Variants in ANKS1B observed in about 807,000 individuals in gnomAD.
ANKS1B encodes the protein ankyrin repeat and sterile alpha motif domain containing 1B.
In ANKS1B, 36 loss-of-function variants were observed where a neutral mutation model predicts 148.3. The observed-to-expected ratio is 0.24, with a 90% confidence interval of 0.19 to 0.32. ANKS1B has a LOEUF of 0.32. Ranked by LOEUF, ANKS1B falls within the 10% of genes least tolerant of loss-of-function variation. The pLI is 1.00. For missense variants in ANKS1B, 1,157 were observed against 1,542.6 expected (o/e 0.75, Z 4.19); for synonymous variants, 542 against 560.8 (o/e 0.97, Z 0.47).
intron 1 of ANKS1B, among the ~76,000 whole-genome samples, chr12:99,836,428 A>C (rs2084869519): frequency 6.6e-6 from 1 of 152,138 alleles, no homozygotes; most frequent in Admixed American, 6.6e-5. Flanking sequence ...AAATCGTACT[A>C]ACTAAACATT....
intron 9 of ANKS1B, chr12:99,648,297 G>GT: frequency 6.2e-7 from 1 of 1,614,152 alleles, no homozygotes. Context: ...CTATATTCAG[G>GT]TATGCACCCA....
chr12:98,748,609 G>A (rs1046490406), intron 26 of ANKS1B, among the ~76,000 whole-genome samples: 2 of 152,192 alleles, frequency 1.3e-5, no homozygotes, highest in African/African-American at 4.8e-5. Flanking sequence ...GCTGTGGGGA[G>A]GACCTCACGT....
intron 17 of ANKS1B, among the ~76,000 whole-genome samples, chr12:98,939,964 G>A (rs1034229134): frequency 6.6e-6 from 1 of 152,220 alleles, no homozygotes; most frequent in South Asian, 2.1e-4. Flanking sequence ...ACAAGGGTGA[G>A]AGATGATTTT....
intron 9 of ANKS1B, among the ~76,000 whole-genome samples, chr12:99,599,210 C>T: frequency 6.6e-6 from 1 of 151,980 alleles, no homozygotes; most frequent in Non-Finnish European, 1.5e-5. Context: ...GTAACATTTA[C>T]TGGTACCAAG....
Position 99,845,043 on chromosome 12 carries a change from T to C in ANKS1B, c.135-19654A>G, listed in dbSNP as rs118171010. On this transcript the variant is annotated intron_variant, in intron 1 of 26. Coordinates refer to ENST00000683438, the MANE Select transcript of ANKS1B (RefSeq NM_001352186.2). ...AATTTGGCTCTCGGCTTGCCTCTTA[T>C]TGCTGTATAGGAATGCTAACTATTT... Among the ~76,000 whole-genome samples, 247 of 152,302 alleles carry C rather than the reference T, an allele frequency of 1.6e-3. 6 individuals carry two copies. In the East Asian group the frequency reaches 0.041, roughly 25 times the overall value.
intron 10 of ANKS1B, among the ~76,000 whole-genome samples, chr12:99,454,458 G>A (rs2095812888): frequency 6.6e-6 from 1 of 152,328 alleles, no homozygotes. Flanking sequence ...CACCAGAGAA[G>A]TTCTAGCAAA....
chr12:99,472,113 T>C (rs1255798393), intron 10 of ANKS1B, among the ~76,000 whole-genome samples: 1 of 152,176 alleles, frequency 6.6e-6, no homozygotes, highest in African/African-American at 2.4e-5. Flanking sequence ...AATTATAGTC[T>C]GACCTAAAAG....
At chr12:99,943,117 G>A (rs1458512467) in intron 1 of ANKS1B, among the ~76,000 whole-genome samples, 6 of 152,178 alleles carry the variant, frequency 3.9e-5, no homozygotes, top group Non-Finnish European at 8.8e-5. Context: ...AGGCAACATA[G>A]AGGAGGATTG....
chr12:98,846,144 A>ATT (rs1296934278), intron 17 of ANKS1B, among the ~76,000 whole-genome samples: 4 of 152,054 alleles, frequency 2.6e-5, no homozygotes, highest in African/African-American at 9.7e-5. Flanking sequence ...TGTGTAGACT[A>ATT]TTTGTCACTG....
chr12:98,852,378 G>GT lies in ANKS1B; in HGVS notation c.2779-20243dup, dbSNP rs1371457084. ...GATGTAGGCGTTAAAGGAGAGGGAGGTTTTTTTAAGGATGACTCTGGAAAT... is the reference window on the plus strand; with the variant it reads ...GATGTAGGCGTTAAAGGAGAGGGAGGTTTTTTTTAAGGATGACTCTGGAAAT... On this transcript the variant is annotated intron_variant, in intron 17 of 26. Coordinates refer to ENST00000683438, the MANE Select transcript of ANKS1B (RefSeq NM_001352186.2). Among the ~76,000 whole-genome samples the GT allele has an allele frequency of 2.6e-5, 4 of 152,164 alleles. No individual in the cohort carries two copies. In the East Asian group the frequency reaches 5.8e-4, roughly 22 times the overall value.
chr12:99,871,862 A>G (rs1003934158), intron 1 of ANKS1B, among the ~76,000 whole-genome samples: 2 of 152,124 alleles, frequency 1.3e-5, no homozygotes, highest in Non-Finnish European at 2.9e-5. Flanking sequence ...GCAAGGAGAG[A>G]CAGTTTGACT....
At chr12:99,745,729 A>G (rs1243390828) in intron 8 of ANKS1B, among the ~76,000 whole-genome samples, 1 of 152,060 alleles carries the variant, frequency 6.6e-6, no homozygotes, top group Non-Finnish European at 1.5e-5. Context: ...TCATTTTATT[A>G]TTTTTAAAAA....
chr12:98,983,649 C>T (rs1329199575), intron 17 of ANKS1B, among the ~76,000 whole-genome samples: 4 of 152,182 alleles, frequency 2.6e-5, no homozygotes, highest in Admixed American at 2.0e-4. Flanking sequence ...CACCACTTCC[C>T]AAGGTTCCTA....
At chr12:99,139,874 C>A (rs1018589770) in intron 15 of ANKS1B, among the ~76,000 whole-genome samples, 1 of 152,036 alleles carries the variant, frequency 6.6e-6, no homozygotes. Context: ...CCTGAGAACT[C>A]CTTAACAAAG....
At chr12:99,868,668 A>G (rs7296373) in intron 1 of ANKS1B, among the ~76,000 whole-genome samples, 7,565 of 152,288 alleles carry the variant, frequency 0.05, 600 homozygotes, top group African/African-American at 0.17. Flanking sequence ...TTTTTAAATG[A>G]CACCATTTAT....
chr12:99,825,585 G>T (rs965859892), intron 1 of ANKS1B, among the ~76,000 whole-genome samples, 196 bp from the exon 2 acceptor site: 10 of 152,202 alleles, frequency 6.6e-5, no homozygotes, highest in African/African-American at 2.4e-4. Context: ...AACTAATAGA[G>T]AATGCAACTA....
intron 17 of ANKS1B, chr12:98,894,589 CGGGGGCCGCGGAGCGA>C: frequency 1.0e-6 from 1 of 985,284 alleles, no homozygotes; most frequent in Non-Finnish European, 1.2e-6. Context: ...TCTCGGCGAG[CGGGGGCCGCGGAGCGA>C]GGGGGCCGCT....
intron 15 of ANKS1B, among the ~76,000 whole-genome samples, chr12:99,095,257 C>T (rs2055580765): frequency 6.6e-6 from 1 of 152,208 alleles, no homozygotes; most frequent in African/African-American, 2.4e-5. Context: ...TCCTTTCCCT[C>T]TCACTACCTC....
At chr12:99,011,331 G>T (rs1175467994) in intron 17 of ANKS1B, among the ~76,000 whole-genome samples, 7 of 152,190 alleles carry the variant, frequency 4.6e-5, no homozygotes, top group Admixed American at 4.6e-4. Flanking sequence ...ATAAGTAAAA[G>T]AATGTATTTG....
Sources: allele counts gnomAD v4.1 joint callset (sites outside exome capture counted in the v4.1 genomes callset), GRCh38; gene constraint gnomAD v4.1.1; transcripts MANE v1.5; gene names NCBI Gene and HGNC (gene_info 2026-07-23, HGNC 2026-07-21).